The following PRKN variants were observed in gnomAD, a reference collection of about 807,000 sequenced individuals.
PRKN encodes parkin RBR E3 ubiquitin protein ligase, also known as E3 ubiquitin-protein ligase parkin.
Under a neutral mutation model 59.5 loss-of-function variants are expected in PRKN, and 56 were observed. The observed-to-expected ratio is 0.94, with a 90% CI of 0.76 to 1.18. The LOEUF (loss-of-function observed/expected upper bound fraction) is 1.18. Among genes scored for constraint, PRKN ranks in the 50% most tolerant of loss-of-function variants. The probability of loss-of-function intolerance (pLI) is 0.00; values close to 1 mark genes in which losing one functional copy is unlikely to be tolerated. For synonymous variants in PRKN, 250 were observed against 222.1 expected (o/e 1.13, Z -1.12); for missense variants, 657 against 596.4 (o/e 1.10, Z -1.06).
intron 1 of PRKN, among the ~76,000 whole-genome samples, chr6:162,718,605 C>T (rs868108183): frequency 3.3e-5 from 5 of 151,964 alleles, no homozygotes; most frequent in Middle Eastern, 3.4e-3. Flanking sequence ...CCCAGCTACT[C>T]GGGAGGCTGA....
intron 3 of PRKN, among the ~76,000 whole-genome samples, chr6:162,237,128 TA>T (rs952093741): frequency 2.0e-5 from 3 of 152,182 alleles, no homozygotes; most frequent in Non-Finnish European, 4.4e-5. Context: ...ACAGGGTTTT[TA>T]ATGAGAAATG....
At chr6:162,014,080 C>T (rs1476247235) in intron 5 of PRKN, among the ~76,000 whole-genome samples, 1 of 152,116 alleles carries the variant, frequency 6.6e-6, no homozygotes, top group East Asian at 1.9e-4. Flanking sequence ...ACTGCTACCC[C>T]CTCGTACCTC....
intron 7 of PRKN, among the ~76,000 whole-genome samples, chr6:161,663,646 C>A (rs530821087): frequency 6.6e-6 from 1 of 152,148 alleles, no homozygotes; most frequent in East Asian, 1.9e-4. Flanking sequence ...AAATATTAGA[C>A]TTTATCTGTC....
chr6:162,196,952 C>T (rs1339804962), intron 4 of PRKN, among the ~76,000 whole-genome samples: 2 of 151,310 alleles, frequency 1.3e-5, no homozygotes, highest in Non-Finnish European at 2.9e-5. Context: ...ACTGATTTTT[C>T]CAAATGAGAA....
rs1781139080 is a variant in PRKN at position 161,576,607 on chromosome 6, G to A, written c.872-7191C>T. ...GTCGCAGCCGTGAAAAATTAAAACA[G>A]ACAAAAATCCCTCATTGGAGCTTGC... On this transcript the variant is annotated intron_variant, in intron 7 of 11. Coordinates refer to ENST00000366898, the MANE Select transcript of PRKN (RefSeq NM_004562.3). This position sits in a 1 kb window ranked among gnomAD's most constrained non-coding sequence, Gnocchi z 4.6. 1.3e-5 allele frequency among the ~76,000 whole-genome samples: 2 copies of A among 152,172 alleles called. No individual in the cohort carries two copies. The highest frequency in any genetic ancestry group is 1.3e-4 in the Admixed American group (2 of 15,276).
intron 6 of PRKN, among the ~76,000 whole-genome samples, chr6:161,919,590 T>A (rs9365351): frequency 0.4 from 61,301 of 152,066 alleles, 12,930 homozygotes; most frequent in Middle Eastern, 0.53. Context: ...TGTTATAGGA[T>A]CTTACCATTA....
chr6:162,702,313 T>A (rs1251530178), intron 1 of PRKN, among the ~76,000 whole-genome samples: 12 of 152,124 alleles, frequency 7.9e-5, no homozygotes. Context: ...AGTTAAGCAA[T>A]GTAATTCCTC....
chr6:162,529,642 G>C (rs913775381), intron 1 of PRKN, among the ~76,000 whole-genome samples: 1 of 152,270 alleles, frequency 6.6e-6, no homozygotes, highest in Middle Eastern at 3.4e-3. Context: ...AGGCAGCAGT[G>C]AGGCCAGATA....
intron 7 of PRKN, among the ~76,000 whole-genome samples, chr6:161,712,469 G>A (rs373718259): frequency 2.0e-5 from 3 of 152,056 alleles, no homozygotes; most frequent in African/African-American, 4.8e-5. Context: ...TCCATTTTAC[G>A]ATACTTCTGA....
chr6:162,706,679 T>C (rs1210063827), intron 1 of PRKN, among the ~76,000 whole-genome samples: 1 of 152,076 alleles, frequency 6.6e-6, no homozygotes, highest in Non-Finnish European at 1.5e-5. Flanking sequence ...TCACTAGAGG[T>C]TGTAAAGATT....
In PRKN at chr6:162,555,981, C is replaced by CAAAAAAAAA. The variant is rs772336975; in HGVS notation, c.8-112517_8-112509dup. 1.8e-3 allele frequency among the ~76,000 whole-genome samples: 166 copies of CAAAAAAAAA among 90,250 alleles called. 3 individuals are homozygous for CAAAAAAAAA. Among genetic ancestry groups the CAAAAAAAAA allele is most frequent in the Middle Eastern group, 0.016 (2 of 126 alleles). The allele number at this position is 90,250 out of a possible 152,430, so 59.2% of individuals were successfully genotyped here. A position where few individuals can be genotyped will look rare whatever the true frequency, so the allele number is the denominator to read the frequency against. ...GGGCAACAAGAGCGAAACTCCATCT[C>CAAAAAAAAA]AAAAAAAAAAAAAAAAAAGTGAGAA... On this transcript the variant is annotated intron_variant, in intron 1 of 11. Coordinates refer to ENST00000366898, the MANE Select transcript of PRKN (RefSeq NM_004562.3).
chr6:161,612,792 G>GGAT (rs1215646799), intron 7 of PRKN, among the ~76,000 whole-genome samples: 2 of 151,254 alleles, frequency 1.3e-5, no homozygotes, highest in Admixed American at 6.6e-5. Context: ...GGCAAAGACA[G>GGAT]GATGAGAGCA....
At chr6:162,147,118 A>G (rs2128312586) in intron 4 of PRKN, among the ~76,000 whole-genome samples, 1 of 150,632 alleles carries the variant, frequency 6.6e-6, no homozygotes, top group East Asian at 2.0e-4. Flanking sequence ...AGGTGGGAGG[A>G]TCACTTGAGG....
chr6:162,041,665 G>C (rs180818867), intron 5 of PRKN, among the ~76,000 whole-genome samples: 1 of 152,142 alleles, frequency 6.6e-6, no homozygotes, highest in African/African-American at 2.4e-5. Flanking sequence ...AAGAAAATGC[G>C]GTGAAATCAG....
intron 9 of PRKN, among the ~76,000 whole-genome samples, chr6:161,469,360 G>C (rs1009309304): frequency 2.0e-5 from 3 of 152,160 alleles, no homozygotes; most frequent in Non-Finnish European, 4.4e-5. Context: ...GGCCTCCCTA[G>C]CCATACAGAA....
At chr6:161,684,843 T>C (rs1431480122) in intron 7 of PRKN, among the ~76,000 whole-genome samples, 1 of 151,826 alleles carries the variant, frequency 6.6e-6, no homozygotes, top group Non-Finnish European at 1.5e-5. Context: ...CAAAGCATCA[T>C]TAAACAACTG....
intron 7 of PRKN, among the ~76,000 whole-genome samples, chr6:161,580,100 A>G (rs1781278619): frequency 6.6e-6 from 1 of 152,252 alleles, no homozygotes; most frequent in African/African-American, 2.4e-5. Context: ...AAAGACAACT[A>G]ATAGCTTCTA....
intron 2 of PRKN, among the ~76,000 whole-genome samples, chr6:162,357,925 G>A (rs1329942314): frequency 6.6e-6 from 1 of 152,170 alleles, no homozygotes; most frequent in African/African-American, 2.4e-5. Context: ...GGAGAGATGA[G>A]TACGTGGAGT....
chr6:162,111,466 A>AG (rs1208111877), intron 4 of PRKN, among the ~76,000 whole-genome samples: 1 of 151,874 alleles, frequency 6.6e-6, no homozygotes, highest in African/African-American at 2.4e-5. Flanking sequence ...CTCTGTCTAA[A>AG]AAAAAAGAGA....
Sources: gnomAD v4.1 joint callset for allele counts (sites outside exome capture counted in the v4.1 genomes callset) on GRCh38, gnomAD v4.1.1 for gene constraint, Gnocchi (gnomAD v3.1) non-coding constraint, MANE v1.5 for transcripts, NCBI Gene and HGNC (gene_info 2026-07-23, HGNC 2026-07-21) for gene names.